The following CYP19A1 variants were observed in gnomAD, a reference collection of about 807,000 sequenced individuals.
CYP19A1 encodes aromatase.
In CYP19A1, 32 loss-of-function variants were observed where a neutral mutation model predicts 44.4. The observed-to-expected ratio is 0.72, with a 90% CI of 0.54 to 0.97. The LOEUF is 0.97. Among genes scored for constraint, CYP19A1 ranks in the 50% least tolerant of loss-of-function variants. The probability of loss-of-function intolerance (pLI) is 0.00; values close to 1 mark genes in which losing one functional copy is unlikely to be tolerated. For missense variants in CYP19A1, 598 were observed against 637.8 expected, an observed-to-expected ratio of 0.94 and a Z score of 0.67; for synonymous variants, 212 against 215.6, an observed-to-expected ratio of 0.98 and a Z score of 0.14.
chr15:51,266,958 C>A (rs1182383838), intron 1 of CYP19A1, among the ~76,000 whole-genome samples: 4 of 152,164 alleles, frequency 2.6e-5, no homozygotes, highest in Non-Finnish European at 4.4e-5. Context: ...CAAATTGAGA[C>A]CCTCAGCCTT....
chr15:51,294,711 C>G (rs1487673886), intron 1 of CYP19A1, among the ~76,000 whole-genome samples: 48 of 148,182 alleles, frequency 3.2e-4, no homozygotes, highest in African/African-American at 8.7e-4. Flanking sequence ...GCCAGCCGCC[C>G]CGTCTGGCCA....
intron 1 of CYP19A1, among the ~76,000 whole-genome samples, chr15:51,313,415 T>C (rs1453197670): frequency 6.6e-6 from 1 of 152,168 alleles, no homozygotes; most frequent in African/African-American, 2.4e-5. Context: ...CATGTTCTTA[T>C]GGCATGGAGC....
intron 4 of CYP19A1, among the ~76,000 whole-genome samples, chr15:51,224,558 G>C (rs148195871): frequency 2.6e-5 from 4 of 152,104 alleles, no homozygotes; most frequent in Non-Finnish European, 5.9e-5. Context: ...ACTACTGTAG[G>C]GTCTACCCTT....
chr15:51,215,564 T>C lies in CYP19A1; in HGVS notation c.858+139A>G, dbSNP rs943790680. 10 of 1,537,204 alleles carry C rather than the reference T, an allele frequency of 6.5e-6. No individual in the cohort carries two copies. The African/African-American group carries it at 1.2e-4, about 19-fold the overall frequency. On this transcript the variant is annotated intron_variant, in intron 7 of 9. Coordinates refer to ENST00000396402, the MANE Select transcript of CYP19A1 (RefSeq NM_000103.4). ...ACTGAAATATCTAATGTGTGGGCTA[T>C]TTGGATTGGGATTACAGAACTGCTA... is the stretch of plus-strand genomic sequence containing the variant.
chr15:51,265,668 A>C (rs1288229537), intron 1 of CYP19A1, among the ~76,000 whole-genome samples: 1 of 152,210 alleles, frequency 6.6e-6, no homozygotes, highest in African/African-American at 2.4e-5. Flanking sequence ...TTTATTTAAA[A>C]TTTTGGATAT....
chr15:51,247,875 C>T (rs1006461781), intron 1 of CYP19A1, among the ~76,000 whole-genome samples: 8 of 152,262 alleles, frequency 5.3e-5, no homozygotes, highest in Non-Finnish European at 8.8e-5. Flanking sequence ...CTAATAATGT[C>T]GTGTCCCTGT....
At chr15:51,312,296 C>CT (rs1227223251) in intron 1 of CYP19A1, 1 of 152,240 alleles carries the variant, frequency 6.6e-6, no homozygotes, top group African/African-American at 2.4e-5. Context: ...GCCTTGGACT[C>CT]TGAGTTTGGC....
chr15:51,222,448 C>G lies in CYP19A1; in HGVS notation c.529G>C (p.Glu177Gln), dbSNP rs772438452. 1.4e-5 allele frequency: 22 copies of G among 1,614,168 alleles called. No homozygotes were observed. The highest frequency in any genetic ancestry group is 4.4e-5 in the South Asian group (4 of 91,084). The change falls in exon 5 of 10, where the codon GAG (glutamate) becomes CAG (glutamine). Residue 177 changes from glutamate (E) to glutamine (Q), a missense_variant. By Grantham distance (29) the Glu-to-Gln change is conservative. Coordinates refer to ENST00000396402, the MANE Select transcript of CYP19A1 (RefSeq NM_000103.4). ...ACATAGCCCGATTCATTGGTCACCTCCTCCAACCTGTCCAGATGTGTTTTG... is the reference window on the plus strand; with the variant it reads ...ACATAGCCCGATTCATTGGTCACCTGCTCCAACCTGTCCAGATGTGTTTTG... ...SLKTHLDRLE[E>Q]VTNESGYVDV...
chr15:51,246,240 G>A (rs907480915), intron 1 of CYP19A1, among the ~76,000 whole-genome samples: 5 of 152,030 alleles, frequency 3.3e-5, no homozygotes, highest in African/African-American at 7.2e-5. Flanking sequence ...ATGTCCCCTC[G>A]GCCAGTAATA....
Position 51,210,921 on chromosome 15 carries a change from A to G in CYP19A1, c.1399T>C (p.Cys467Arg). 1.2e-6 allele frequency: 2 copies of G among 1,606,356 alleles called. No homozygotes were observed. Among genetic ancestry groups the G allele is most frequent in the Non-Finnish European group, 1.7e-6 (2 of 1,173,068 alleles). Reference protein sequence around the residue: ...RFHVKTLQGQCVESIQKIHDL... With the variant: ...RFHVKTLQGQRVESIQKIHDL... ...TGTATCTTCTGTATGCTCTCAACAC[A>G]CTGTCCTTGCAATGTCTTCACGTGG... Residue 467 changes from cysteine (C) to arginine (R), a missense_variant, in exon 10 of 10, where the codon TGT becomes CGT. Physicochemically the swap from Cys to Arg is radical, Grantham distance 180 (BLOSUM62 -3). Coordinates refer to ENST00000396402, the MANE Select transcript of CYP19A1 (RefSeq NM_000103.4).
chr15:51,224,102 G>A (rs1196459233), intron 4 of CYP19A1, among the ~76,000 whole-genome samples: 1 of 152,130 alleles, frequency 6.6e-6, no homozygotes, highest in African/African-American at 2.4e-5. Flanking sequence ...CATCAATATG[G>A]ACACATTTCT....
chr15:51,278,326 G>A (rs1165918556), intron 1 of CYP19A1, among the ~76,000 whole-genome samples: 1 of 152,168 alleles, frequency 6.6e-6, no homozygotes, highest in Non-Finnish European at 1.5e-5. Context: ...CTGACCATGA[G>A]GAGGAGAAAA....
chr15:51,276,319 C>T (rs1247705479), intron 1 of CYP19A1, among the ~76,000 whole-genome samples: 6 of 152,154 alleles, frequency 3.9e-5, no homozygotes, highest in African/African-American at 7.2e-5. Context: ...CACTGACCCC[C>T]TTGTTTCCTC....
intron 1 of CYP19A1, among the ~76,000 whole-genome samples, chr15:51,334,960 A>C (rs925913073): frequency 1.3e-5 from 2 of 152,174 alleles, no homozygotes; most frequent in African/African-American, 2.4e-5. Flanking sequence ...GCAATACACA[A>C]TCCAGAGCTT....
chr15:51,211,511 T>G (rs139360551), intron 9 of CYP19A1: 15 of 332,878 alleles, frequency 4.5e-5, no homozygotes, highest in African/African-American at 3.0e-4. Flanking sequence ...AGAAAATTAA[T>G]GAGGACCACA....
intron 1 of CYP19A1, 69 bp from the exon 2 acceptor site, chr15:51,243,019 TCAGAGGGTGCTGTA>T (rs2033871431): frequency 1.2e-6 from 1 of 813,286 alleles, no homozygotes; most frequent in South Asian, 1.3e-5. Flanking sequence ...TCCTGTTGCT[TCAGAGGGTGCTGTA>T]CAGTACAGAT....
rs1456045435 is a variant in CYP19A1, at chr15:51,208,200, A to G, written c.*2608T>C. 2 of 152,188 alleles carry G rather than the reference A, an allele frequency of 1.3e-5. No homozygotes were observed. Among genetic ancestry groups the G allele is most frequent in the Non-Finnish European group, 2.9e-5 (2 of 68,026 alleles). 9.4% of individuals were successfully genotyped at this position (152,188 alleles called of 1,614,324 possible). ...CATGCTTTTGTGGAACATTAGCATC[A>G]TGAACAGTGAAAGGTGCTGCTTAGG... On this transcript the variant is annotated 3_prime_UTR_variant, in exon 10 of 10. Coordinates refer to ENST00000396402, the MANE Select transcript of CYP19A1 (RefSeq NM_000103.4).
chr15:51,254,040 A>C (rs1566897070), intron 1 of CYP19A1, among the ~76,000 whole-genome samples: 2 of 152,204 alleles, frequency 1.3e-5, no homozygotes, highest in Non-Finnish European at 2.9e-5. Flanking sequence ...GTGGAAATAT[A>C]AGTAGAAAGG....
At chr15:51,214,805 T>G (rs1336505650) in intron 8 of CYP19A1, among the ~76,000 whole-genome samples, 1 of 152,100 alleles carries the variant, frequency 6.6e-6, no homozygotes, top group African/African-American at 2.4e-5. Flanking sequence ...CGGAAAGGAT[T>G]GGGGGATGTC....
Sources: gnomAD v4.1 joint callset for allele counts (sites outside exome capture counted in the v4.1 genomes callset) on GRCh38, gnomAD v4.1.1 for gene constraint, MANE v1.5 for transcripts, NCBI Gene and HGNC (gene_info 2026-07-23, HGNC 2026-07-21) for gene names.